ZFHX3: variants seen among roughly 807,000 people sequenced by gnomAD.
ZFHX3 encodes zinc finger homeobox protein 3.
ZFHX3 carries 42 observed loss-of-function variants against 279.1 expected under a neutral mutation model. The observed-to-expected ratio is 0.15, with a 90% CI of 0.12 to 0.19. The LOEUF (loss-of-function observed/expected upper bound fraction) is 0.19. ZFHX3 is among the 10% of genes least tolerant of loss of function. The probability of loss-of-function intolerance (pLI) is 1.00; values close to 1 mark genes in which losing one functional copy is unlikely to be tolerated. For missense variants in ZFHX3, 4,981 were observed against 4,754.0 expected (o/e 1.05, Z -1.40); for synonymous variants, 2,293 against 1,957.8 (o/e 1.17, Z -4.52).
chr16:73,349,840 CCTTCTTCCCTCCCTCTCTTCCTTT>C (rs1222056078), intron 3 of ZFHX3, among the ~76,000 whole-genome samples: 2 of 143,330 alleles, frequency 1.4e-5, no homozygotes, highest in Non-Finnish European at 3.0e-5. Context: ...TCCCTTCCTT[CCTTCTTCCCTCCCTCTCTTCCTTT>C]CTTCCCCCTC....
At chr16:73,848,933 G>A (rs1393858998) in intron 1 of ZFHX3, among the ~76,000 whole-genome samples, 3 of 152,168 alleles carry the variant, frequency 2.0e-5, no homozygotes, top group Non-Finnish European at 4.4e-5. Flanking sequence ...TTCCTTCCAG[G>A]ACTTGAAATT....
chr16:73,659,313 A>C (rs2052755160), intron 2 of ZFHX3, among the ~76,000 whole-genome samples: 1 of 152,202 alleles, frequency 6.6e-6, no homozygotes, highest in African/African-American at 2.4e-5. Context: ...TGGAGGACTC[A>C]GGGAAGAGAA....
intron 1 of ZFHX3, among the ~76,000 whole-genome samples, chr16:73,704,223 A>C (rs1391953991): frequency 6.6e-6 from 1 of 152,142 alleles, no homozygotes; most frequent in African/African-American, 2.4e-5. Context: ...TATTAAATAA[A>C]TACATAAACA....
intron 1 of ZFHX3, among the ~76,000 whole-genome samples, chr16:73,797,753 TA>T (rs1449514637): frequency 6.6e-6 from 1 of 151,006 alleles, no homozygotes; most frequent in Non-Finnish European, 1.5e-5. Context: ...ATTAGAATAA[TA>T]GGAATTACTT....
At chr16:73,216,052 G>A (rs141705998) in intron 5 of ZFHX3, among the ~76,000 whole-genome samples, 147 of 152,304 alleles carry the variant, frequency 9.7e-4, no homozygotes, top group African/African-American at 3.3e-3. Context: ...AACCCATCTT[G>A]CAATGTGGAG....
At position 72,959,239 on chromosome 16, in the gene ZFHX3, G is replaced by T; in HGVS notation, c.907C>A (p.His303Asn). The T allele has an allele frequency of 1.9e-6, 3 of 1,614,242 alleles. No individual in the cohort carries two copies. Among genetic ancestry groups the T allele is most frequent in the Non-Finnish European group, 2.5e-6 (3 of 1,180,046 alleles). Residue 303 changes from histidine (H) to asparagine (N), a missense_variant, in exon 2 of 10, where the codon CAT (histidine) becomes AAT (asparagine). Physicochemically the swap from His to Asn is moderately conservative, Grantham distance 68. Coordinates refer to ENST00000268489, the MANE Select transcript of ZFHX3 (RefSeq NM_006885.4). Reference protein sequence around the residue: ...YVRSFVTHAVHDHRMTLSEDE... With the variant: ...YVRSFVTHAVNDHRMTLSEDE... Reference sequence around the variant, plus strand: ...TCGCTCAGGGTCATTCGATGGTCATGCACCGCGTGGGTCACAAACGAACGG... The same window carrying T: ...TCGCTCAGGGTCATTCGATGGTCATTCACCGCGTGGGTCACAAACGAACGG...
In ZFHX3 at chr16:73,531,483, GGT is replaced by G; in HGVS notation, c.-1546-75227_-1546-75226del. 2.6e-5 allele frequency among the ~76,000 whole-genome samples: 4 copies of G among 152,142 alleles called. No homozygotes were observed. The South Asian group carries it at 8.3e-4, about 32-fold the overall frequency. On this transcript the variant is annotated intron_variant, in intron 2 of 17. Coordinates refer to the ZFHX3 transcript ENST00000641206. Reference sequence around the variant, plus strand: ...TAATTACAGCACTTTAGGAGGATGAGGTGGGGGGACTGCCTGAGCTCAGGAGT... The same window carrying G: ...TAATTACAGCACTTTAGGAGGATGAGGGGGGGACTGCCTGAGCTCAGGAGT...
At position 72,787,293 on chromosome 16, in the gene ZFHX3, C is replaced by G. The variant is rs374846350; in HGVS notation, c.10983G>C (p.Ser3661=). 84 of 1,613,854 alleles carry G rather than the reference C, an allele frequency of 5.2e-5. No individual in the cohort carries two copies. The highest frequency in any genetic ancestry group is 6.9e-5 in the Non-Finnish European group (81 of 1,180,020). ...VQPSMPTDDY[S]EESDTDLSQK... Reference sequence around the variant, plus strand: ...GGCTGAGATCCGTGTCAGACTCCTCCGAATAGTCGTCTGTTGGCATCGAGG... The same window carrying G: ...GGCTGAGATCCGTGTCAGACTCCTCGGAATAGTCGTCTGTTGGCATCGAGG... Residue 3661 remains serine, a synonymous_variant, in exon 10 of 10, where the codon TCG becomes TCC. Transcript: ENST00000268489.
At chr16:73,082,092 C>T (rs1965953941) in intron 8 of ZFHX3, among the ~76,000 whole-genome samples, 1 of 152,070 alleles carries the variant, frequency 6.6e-6, no homozygotes, top group South Asian at 2.1e-4. Context: ...CCGCCTCAGT[C>T]TCTCAAAGTG....
chr16:73,796,785 A>C (rs944017630), intron 1 of ZFHX3, among the ~76,000 whole-genome samples: 1 of 152,130 alleles, frequency 6.6e-6, no homozygotes, highest in Non-Finnish European at 1.5e-5. Flanking sequence ...GGGGACCCAA[A>C]ACTGGCTCAC....
chr16:73,876,046 C>T (rs186068306), intron 1 of ZFHX3, among the ~76,000 whole-genome samples: 8 of 152,220 alleles, frequency 5.3e-5, no homozygotes, highest in Non-Finnish European at 4.4e-5. Context: ...TTCTACAACA[C>T]GACCCCAAAC....
intron 7 of ZFHX3, among the ~76,000 whole-genome samples, chr16:73,119,594 A>G (rs1361013530): frequency 1.3e-5 from 2 of 152,190 alleles, no homozygotes; most frequent in East Asian, 1.9e-4. Context: ...TACCTTTGCC[A>G]TGTTCCATGT....
At chr16:73,207,689 C>T (rs1597220308) in intron 5 of ZFHX3, among the ~76,000 whole-genome samples, 1 of 152,046 alleles carries the variant, frequency 6.6e-6, no homozygotes, top group East Asian at 1.9e-4. Context: ...AAATCAGAAT[C>T]ATGCAAATTA....
chr16:72,811,555 G>T (rs755361153), intron 7 of ZFHX3, 22 bp downstream of exon 7: 2 of 1,558,826 alleles, frequency 1.3e-6, no homozygotes, highest in South Asian at 2.5e-5. Context: ...AGACCACAGG[G>T]TGCTGCTCCT....
chr16:72,849,371 TG>T (rs2037556586), intron 4 of ZFHX3, among the ~76,000 whole-genome samples: 1 of 152,182 alleles, frequency 6.6e-6, no homozygotes, highest in South Asian at 2.1e-4. Flanking sequence ...TACTCCAGCC[TG>T]GGGCCCAGCC....
chr16:73,227,997 C>T (rs996151604), intron 5 of ZFHX3, among the ~76,000 whole-genome samples: 1 of 152,050 alleles, frequency 6.6e-6, no homozygotes, highest in African/African-American at 2.4e-5. Context: ...CACAACCTCC[C>T]TATGTATTAG....
chr16:73,316,690 C>T (rs147355025), intron 4 of ZFHX3, among the ~76,000 whole-genome samples: 28 of 152,262 alleles, frequency 1.8e-4, no homozygotes, highest in South Asian at 4.2e-4. Flanking sequence ...CAAATTCTTG[C>T]GATAAAATGC....
At position 73,841,340 on chromosome 16, in the gene ZFHX3, G is replaced by C. The variant is rs182768200; in HGVS notation, c.-1608+50311C>G. 1.9e-3 allele frequency among the ~76,000 whole-genome samples: 286 copies of C among 152,246 alleles called. 1 individual carries two copies. The highest frequency in any genetic ancestry group is 6.4e-3 in the African/African-American group (264 of 41,544). On this transcript the variant is annotated intron_variant, in intron 1 of 17. Transcript: ENST00000641206. ...AGAAGTACCAGATGAGCTGGGGGTG[G>C]GTGGGAGCTGGGTGCACAGCAGGGG...
chr16:73,019,954 T>C (rs1964244144), intron 1 of ZFHX3, among the ~76,000 whole-genome samples: 1 of 152,238 alleles, frequency 6.6e-6, no homozygotes, highest in South Asian at 2.1e-4. Context: ...GGTCCCGTAC[T>C]GAGCCCTTTA....
Sources: gnomAD v4.1 joint callset for allele counts (sites outside exome capture counted in the v4.1 genomes callset) on GRCh38, gnomAD v4.1.1 for gene constraint, MANE v1.5 for transcripts, NCBI Gene and HGNC (gene_info 2026-07-23, HGNC 2026-07-21) for gene names.